Variants in GNAT3 observed in about 807,000 individuals in gnomAD.
GNAT3 encodes G protein subunit alpha transducin 3.
Under a neutral mutation model 37.7 loss-of-function variants are expected in GNAT3, and 31 were observed. The observed-to-expected ratio is 0.82, with a 90% CI of 0.62 to 1.11. The LOEUF is 1.11. Ranked by LOEUF, GNAT3 falls within the 50% of genes most tolerant of loss-of-function variation. GNAT3 has a pLI of 0.00. For missense variants in GNAT3, 437 were observed against 412.5 expected, an observed-to-expected ratio of 1.06 and a Z score of -0.51; for synonymous variants, 138 against 139.8, an observed-to-expected ratio of 0.99 and a Z score of 0.09.
intron 7 of GNAT3, among the ~76,000 whole-genome samples, chr7:80,461,505 G>A (rs901760864): frequency 2.0e-5 from 3 of 151,986 alleles, no homozygotes; most frequent in Non-Finnish European, 4.4e-5. Flanking sequence ...GAGCGACAGA[G>A]CGAGACTCCA....
rs184473561 is a variant in GNAT3 at position 80,488,350 on chromosome 7, A to T, written c.303+185T>A. The stretch of plus-strand genomic sequence containing the variant: ...AATGTTGAATAATATTACAGTATAT[A>T]GTAAAAAAGTTTCACTTCAAGGAAA... On this transcript the variant is annotated intron_variant, in intron 3 of 7. Coordinates refer to ENST00000398291, the MANE Select transcript of GNAT3 (RefSeq NM_001102386.3). 3.9e-5 allele frequency among the ~76,000 whole-genome samples: 6 copies of T among 152,296 alleles called. No individual in the cohort carries two copies. In the East Asian group the frequency reaches 9.6e-4, roughly 24 times the overall value.
At chr7:80,507,015 G>T (rs1342319935) in intron 1 of GNAT3, among the ~76,000 whole-genome samples, 2 of 152,040 alleles carry the variant, frequency 1.3e-5, no homozygotes, top group Non-Finnish European at 2.9e-5. Flanking sequence ...AGGAAGGAAA[G>T]AATGGTTTTA....
rs898526428 is a variant in GNAT3, at chr7:80,462,274, G to A, written c.759C>T (p.Ile253=). 24 of 1,612,446 alleles carry A rather than the reference G, an allele frequency of 1.5e-5. No homozygotes were observed. The highest frequency in any genetic ancestry group is 1.6e-4 in the Middle Eastern group (1 of 6,072). Residue 253 remains isoleucine, a synonymous_variant, in exon 7 of 8, where the codon ATC becomes ATT. Transcript: ENST00000398291. Reference sequence around the variant, plus strand: ...TTGTTGAAAAATACTTGTGATTACAGATACTGTTGAACAGGTGAAGGCTTT... The same window carrying A: ...TTGTTGAAAAATACTTGTGATTACAAATACTGTTGAACAGGTGAAGGCTTT... ...MHESLHLFNS[I]CNHKYFSTTS...
At chr7:80,466,510 T>A (rs1790132650) in intron 5 of GNAT3, among the ~76,000 whole-genome samples, 1 of 152,074 alleles carries the variant, frequency 6.6e-6, no homozygotes, top group Admixed American at 6.6e-5. Flanking sequence ...AGAAAAATCA[T>A]CTTATTTCTC....
chr7:80,502,685 TA>T (rs1273768669), intron 1 of GNAT3, among the ~76,000 whole-genome samples: 2 of 151,954 alleles, frequency 1.3e-5, no homozygotes, highest in Non-Finnish European at 2.9e-5. Context: ...GTTGATCTAA[TA>T]GATATCCATT....
intron 4 of GNAT3, among the ~76,000 whole-genome samples, chr7:80,475,754 A>G (rs1790292341): frequency 6.6e-6 from 1 of 152,114 alleles, no homozygotes. Flanking sequence ...TTCTTGGAGG[A>G]TCTTTTTCCT....
chr7:80,482,881 A>G (rs530738351), intron 3 of GNAT3, among the ~76,000 whole-genome samples: 7 of 152,058 alleles, frequency 4.6e-5, no homozygotes, highest in African/African-American at 1.7e-4. Flanking sequence ...CTTTATTTGT[A>G]GAGGTATCAT....
At chr7:80,474,748 A>G (rs944090656) in intron 4 of GNAT3, among the ~76,000 whole-genome samples, 3 of 152,166 alleles carry the variant, frequency 2.0e-5, no homozygotes, top group Non-Finnish European at 2.9e-5. Flanking sequence ...ATTTGCTTGT[A>G]TATGGATAGG....
At chr7:80,505,451 C>T (rs918517298) in intron 1 of GNAT3, among the ~76,000 whole-genome samples, 1 of 152,162 alleles carries the variant, frequency 6.6e-6, no homozygotes. Flanking sequence ...ACTGCAAGCT[C>T]CGCCTCCCGG....
chr7:80,458,817 A>C lies in GNAT3; in HGVS notation c.919T>G (p.Phe307Val). The change falls in exon 8 of 8, where the codon TTT becomes GTT. Residue 307 changes from phenylalanine to valine, a missense_variant. By Grantham distance (50) the Phe-to-Val change is conservative. Coordinates refer to ENST00000398291, the MANE Select transcript of GNAT3 (RefSeq NM_001102386.3). Reference protein sequence around the residue: ...EDAGNYIKNQFLDLNLKKEDK... With the variant: ...EDAGNYIKNQVLDLNLKKEDK... ...TCTTTTTTTAAATTCAGGTCTAGAA[A>C]CTGGTTCTTGATGTAGTTTCCTGCA... is the stretch of plus-strand genomic sequence containing the variant. The C allele has an allele frequency of 6.3e-7, 1 of 1,595,280 alleles. No homozygotes were observed. The highest frequency in any genetic ancestry group is 1.3e-5 in the African/African-American group (1 of 74,282).
At chr7:80,472,787 A>C (rs187909832) in intron 5 of GNAT3, among the ~76,000 whole-genome samples, 4 of 152,286 alleles carry the variant, frequency 2.6e-5, no homozygotes, top group Non-Finnish European at 5.9e-5. Context: ...ACTTTACTTC[A>C]TCTAATCTTT....
At chr7:80,464,495 G>A (rs1255431895) in intron 5 of GNAT3, among the ~76,000 whole-genome samples, 2 of 152,046 alleles carry the variant, frequency 1.3e-5, no homozygotes, top group Non-Finnish European at 2.9e-5. Flanking sequence ...GACTATAGAA[G>A]ACTATGGGTG....
At chr7:80,499,864 C>T (rs988113305) in intron 1 of GNAT3, among the ~76,000 whole-genome samples, 2 of 152,046 alleles carry the variant, frequency 1.3e-5, no homozygotes, top group Non-Finnish European at 2.9e-5. Flanking sequence ...TAAAATTGGG[C>T]TAAAACTTGG....
intron 3 of GNAT3, among the ~76,000 whole-genome samples, chr7:80,488,070 A>T (rs7804604): frequency 0.13 from 18,933 of 151,416 alleles, 1,348 homozygotes; most frequent in African/African-American, 0.2. Flanking sequence ...ATTCTTTTTT[A>T]AAAAAAAACT....
rs558095027 is a variant in GNAT3 at position 80,493,613 on chromosome 7, C to T, written c.161+992G>A. 2.6e-5 allele frequency among the ~76,000 whole-genome samples: 3 copies of T among 117,370 alleles called. No homozygotes were observed. The South Asian group carries it at 7.1e-4, about 28-fold the overall frequency. 77.0% of individuals were successfully genotyped at this position (117,370 alleles called of 152,430 possible). ...CTTCATCCTCCTCTTTCCTCCTCCT[C>T]CTCTTTCCTCTTCCTCCTCCTCTTT... On this transcript the variant is annotated intron_variant, in intron 2 of 7. Transcript: ENST00000398291.
chr7:80,499,461 T>G (rs1444809114), intron 1 of GNAT3, among the ~76,000 whole-genome samples: 1 of 152,074 alleles, frequency 6.6e-6, no homozygotes, highest in African/African-American at 2.4e-5. Flanking sequence ...CATGACTCAC[T>G]GCAGCCTTGG....
At chr7:80,496,848 C>CT (rs1308162610) in intron 1 of GNAT3, among the ~76,000 whole-genome samples, 4 of 149,486 alleles carry the variant, frequency 2.7e-5, no homozygotes, top group African/African-American at 9.8e-5. Context: ...TTCAGGACAA[C>CT]TTTTCTTTTT....
At chr7:80,494,035 G>A (rs1790666183) in intron 2 of GNAT3, among the ~76,000 whole-genome samples, 2 of 152,136 alleles carry the variant, frequency 1.3e-5, no homozygotes, top group Admixed American at 1.3e-4. Flanking sequence ...ACAAAGCCAT[G>A]AGGTTTCACC....
chr7:80,492,078 C>G (rs1187775507), intron 2 of GNAT3, among the ~76,000 whole-genome samples: 1 of 151,802 alleles, frequency 6.6e-6, no homozygotes, highest in East Asian at 1.9e-4. Context: ...GCCTGTAATC[C>G]CAGCACTTTG....
Sources: gnomAD v4.1 joint callset for allele counts (sites outside exome capture counted in the v4.1 genomes callset) on GRCh38, gnomAD v4.1.1 for gene constraint, MANE v1.5 for transcripts, NCBI Gene and HGNC (gene_info 2026-07-23, HGNC 2026-07-21) for gene names.